CEP192: variants seen among roughly 807,000 people sequenced by gnomAD.
CEP192 encodes centrosomal protein of 192 kDa.
In CEP192, 151 loss-of-function variants were observed where a neutral mutation model predicts 271.8. The ratio of observed to expected loss-of-function variants is 0.56; its 90% CI spans 0.49 to 0.64. CEP192 has a LOEUF of 0.64. CEP192 is among the 30% of genes least tolerant of loss of function. CEP192 has a pLI of 0.00. For synonymous variants in CEP192, 995 were observed against 1,076.5 expected, an observed-to-expected ratio of 0.92 and a Z score of 1.48; for missense variants, 2,910 against 3,020.5, an observed-to-expected ratio of 0.96 and a Z score of 0.86.
At chr18:13,001,020 GATTGATGTTTGGTTAA>G (rs1328059768) in intron 2 of CEP192, among the ~76,000 whole-genome samples, 2 of 152,210 alleles carry the variant, frequency 1.3e-5, no homozygotes, top group Non-Finnish European at 2.9e-5. Flanking sequence ...TTTATTACCA[GATTGATGTTTGGTTAA>G]ATACACCTTG....
Position 13,105,079 on chromosome 18 carries a change from A to G in CEP192, c.7047A>G (p.Lys2349=). The G allele has an allele frequency of 6.2e-7, 1 of 1,609,610 alleles. No homozygotes were observed. The highest frequency in any genetic ancestry group is 1.1e-5 in the South Asian group (1 of 90,994). Residue 2349 remains lysine (K), a splice_region_variant and synonymous_variant, in exon 40 of 45, where the codon AAA becomes AAG. Transcript: ENST00000506447. The stretch of plus-strand genomic sequence containing the variant: ...TGCTGGAAAGCCATGGGATCCAAAA[A>G]GTAGGTTTTGATATTTTTTTCCATA... The part of the protein sequence containing the change: ...SGLLESHGIQ[K]VSITFLPRGR...
chr18:13,118,496 C>T (rs917278980), intron 44 of CEP192, among the ~76,000 whole-genome samples: 13 of 152,236 alleles, frequency 8.5e-5, no homozygotes, highest in Admixed American at 7.9e-4. Flanking sequence ...TCTTTTTATT[C>T]GTTTATCTCT....
intron 1 of CEP192, among the ~76,000 whole-genome samples, chr18:12,992,016 A>T (rs2032891437): frequency 2.0e-5 from 3 of 152,106 alleles, no homozygotes; most frequent in Admixed American, 6.5e-5. Flanking sequence ...CTTGCCTATG[A>T]TTTCATTATC....
intron 9 of CEP192, among the ~76,000 whole-genome samples, chr18:13,021,702 T>C (rs1003656806): frequency 1.3e-5 from 2 of 152,190 alleles, no homozygotes; most frequent in African/African-American, 4.8e-5. Context: ...TGGGTAGTAT[T>C]GATACCTTTG....
intron 18 of CEP192, among the ~76,000 whole-genome samples, chr18:13,053,758 C>T (rs566768192): frequency 6.6e-6 from 1 of 152,256 alleles, no homozygotes; most frequent in Admixed American, 6.5e-5. Flanking sequence ...GGCACGATCA[C>T]AGCTCACTAC....
At chr18:13,105,151 A>T in intron 40 of CEP192, 72 bp downstream of exon 40, 1 of 1,055,392 alleles carries the variant, frequency 9.5e-7, no homozygotes, top group Non-Finnish European at 1.5e-6. Context: ...GATTCCACCC[A>T]TTTAGCTTGT....
chr18:13,066,591 T>C (rs889653046), intron 21 of CEP192, among the ~76,000 whole-genome samples: 1 of 152,200 alleles, frequency 6.6e-6, no homozygotes, highest in African/African-American at 2.4e-5. Context: ...TTTTTTCAGC[T>C]TGGGGCTCCC....
At chr18:12,999,081 T>G (rs995898209) in intron 1 of CEP192, among the ~76,000 whole-genome samples, 5 of 152,216 alleles carry the variant, frequency 3.3e-5, no homozygotes, top group Non-Finnish European at 7.3e-5. Flanking sequence ...GTATATACCA[T>G]CAGTGTTATG....
At chr18:13,024,381 T>C in intron 9 of CEP192, 2 of 455,496 alleles carry the variant, frequency 4.4e-6, no homozygotes, top group South Asian at 3.1e-5. Flanking sequence ...TACATGTTGG[T>C]TTCTTGTAGA....
chr18:13,017,831 AT>A (rs1568285908), intron 7 of CEP192, among the ~76,000 whole-genome samples: 1 of 152,026 alleles, frequency 6.6e-6, no homozygotes, highest in African/African-American at 2.4e-5. Flanking sequence ...TATTCTTACT[AT>A]TTTTTATCTA....
chr18:13,099,531 A>T lies in CEP192; in HGVS notation c.6613A>T (p.Met2205Leu), dbSNP rs748499149. Residue 2205 changes from methionine (M) to leucine (L), a missense_variant, in exon 37 of 45, where the codon ATG becomes TTG. Physicochemically the swap from Met to Leu is conservative, Grantham distance 15 (BLOSUM62 2). Transcript: ENST00000506447. ...PNSSLSTKQS[M>L]FPWSGLIYIH... ...TTCCTCCTTATCCACAAAACAGTCA[A>T]TGTTCCCGTGGAGTGGTTTGATCTA... is the stretch of plus-strand genomic sequence containing the variant. 7.5e-6 allele frequency: 12 copies of T among 1,605,072 alleles called. No individual in the cohort carries two copies. The highest frequency in any genetic ancestry group is 1.7e-4 in the Middle Eastern group (1 of 6,048).
chr18:13,039,800 G>A (rs2036108746), intron 13 of CEP192, among the ~76,000 whole-genome samples: 1 of 152,200 alleles, frequency 6.6e-6, no homozygotes, highest in Admixed American at 6.5e-5. Flanking sequence ...AGGTGCCCAG[G>A]TAGTGAAAGT....
At chr18:13,115,216 C>G (rs1408081794) in intron 42 of CEP192, among the ~76,000 whole-genome samples, 1 of 152,226 alleles carries the variant, frequency 6.6e-6, no homozygotes, top group African/African-American at 2.4e-5. Context: ...GCCTCCACAG[C>G]TCCCTTCTGG....
At chr18:13,038,098 C>T (rs1234105635) in intron 12 of CEP192, among the ~76,000 whole-genome samples, 2 of 152,104 alleles carry the variant, frequency 1.3e-5, no homozygotes, top group African/African-American at 2.4e-5. Context: ...CTTGGCCTCC[C>T]AGGTAGCTGG....
intron 9 of CEP192, among the ~76,000 whole-genome samples, chr18:13,020,546 AAAT>A (rs1412999757): frequency 6.6e-6 from 1 of 152,186 alleles, no homozygotes. Flanking sequence ...ATCAGTATAC[AAAT>A]ACCTGTTCGA....
intron 9 of CEP192, among the ~76,000 whole-genome samples, chr18:13,021,774 T>C (rs1221737360): frequency 6.6e-6 from 1 of 152,240 alleles, no homozygotes; most frequent in Non-Finnish European, 1.5e-5. Flanking sequence ...TCTTTAGGTC[T>C]TCTTTCTTTA....
chr18:13,106,830 A>C (rs972828214), intron 40 of CEP192, among the ~76,000 whole-genome samples: 1 of 152,236 alleles, frequency 6.6e-6, no homozygotes, highest in Non-Finnish European at 1.5e-5. Context: ...CACAAATTTT[A>C]GGGATCATAT....
At chr18:13,031,510 G>A (rs1046758598) in intron 11 of CEP192, among the ~76,000 whole-genome samples, 2 of 152,078 alleles carry the variant, frequency 1.3e-5, no homozygotes, top group African/African-American at 4.8e-5. Context: ...GCCTCCCAAA[G>A]TGCTGGGATT....
intron 37 of CEP192, among the ~76,000 whole-genome samples, chr18:13,100,088 T>C (rs537535248): frequency 1.3e-5 from 2 of 152,296 alleles, no homozygotes; most frequent in South Asian, 4.1e-4. Flanking sequence ...TAGAAGTGAT[T>C]ACTGATTTTC....
Sources: gnomAD v4.1 joint callset for allele counts (sites outside exome capture counted in the v4.1 genomes callset) on GRCh38, gnomAD v4.1.1 for gene constraint, MANE v1.5 for transcripts, NCBI Gene and HGNC (gene_info 2026-07-23, HGNC 2026-07-21) for gene names.